The following CDC42EP3 variants were observed in gnomAD, a reference collection of about 807,000 sequenced individuals.
The protein encoded by CDC42EP3 is CDC42 effector protein (Rho GTPase binding) 3.
Under a neutral mutation model 15.5 loss-of-function variants are expected in CDC42EP3, and 4 were observed. The ratio of observed to expected loss-of-function variants is 0.26; its 90% confidence interval spans 0.13 to 0.59. The LOEUF (loss-of-function observed/expected upper bound fraction) is 0.59. Ranked by LOEUF, CDC42EP3 falls within the 20% of genes least tolerant of loss-of-function variation. The pLI is 0.89. For missense variants in CDC42EP3, 309 were observed against 311.2 expected (o/e 0.99, Z 0.05); for synonymous variants, 145 against 130.3 (o/e 1.11, Z -0.77).
intron 1 of CDC42EP3, among the ~76,000 whole-genome samples, chr2:37,663,082 T>C (rs1256135249): frequency 6.6e-6 from 1 of 152,200 alleles, no homozygotes; most frequent in East Asian, 1.9e-4. Flanking sequence ...GGAGAATCTC[T>C]TGAACCCGGG....
intron 1 of CDC42EP3, among the ~76,000 whole-genome samples, chr2:37,660,099 A>G (rs1401039791): frequency 2.0e-5 from 3 of 152,226 alleles, no homozygotes; most frequent in Admixed American, 6.5e-5. Flanking sequence ...CTACAGTGCT[A>G]TGTAAACACA....
At chr2:37,656,956 G>T (rs527962962) in intron 1 of CDC42EP3, among the ~76,000 whole-genome samples, 1 of 140,610 alleles carries the variant, frequency 7.1e-6, no homozygotes, top group Non-Finnish European at 1.5e-5. Context: ...AACGTCAAAA[G>T]ATTTGAATTG....
chr2:37,670,333 C>T (rs1025288681), intron 1 of CDC42EP3, among the ~76,000 whole-genome samples: 1 of 152,142 alleles, frequency 6.6e-6, no homozygotes, highest in Non-Finnish European at 1.5e-5. Context: ...GGGATGGAAT[C>T]TTTGTCTCCC....
chr2:37,654,058 A>G (rs569764932), intron 1 of CDC42EP3, among the ~76,000 whole-genome samples: 187 of 152,270 alleles, frequency 1.2e-3, no homozygotes, highest in Middle Eastern at 0.01. Flanking sequence ...GCCCCATGCC[A>G]GAGTATCCAG....
intron 1 of CDC42EP3, among the ~76,000 whole-genome samples, chr2:37,653,009 T>C (rs147351124): frequency 4.6e-5 from 7 of 152,372 alleles, no homozygotes; most frequent in East Asian, 3.9e-4. Flanking sequence ...TCCTGGTTTC[T>C]TTCTAGTTCC....
intron 1 of CDC42EP3, among the ~76,000 whole-genome samples, chr2:37,650,658 C>G (rs1665641525): frequency 1.3e-5 from 2 of 152,208 alleles, no homozygotes; most frequent in South Asian, 4.1e-4. Context: ...TGGCTGGGCT[C>G]TGAGCTTTGA....
In CDC42EP3 at chr2:37,648,267, C is replaced by T. The variant is rs150404036; in HGVS notation, c.-235-1445G>A. Among the ~76,000 whole-genome samples, 884 of 152,350 alleles carry T rather than the reference C, an allele frequency of 5.8e-3. 5 individuals are homozygous for T. Among genetic ancestry groups the T allele is most frequent in the Non-Finnish European group, 0.01 (700 of 68,032 alleles). ...CTCTGCCATGACCTCTTCCCTCAGG[C>T]GCTCCTCCCACTGGCTGCAGAGCCT... On this transcript the variant is annotated intron_variant, in intron 1 of 1. Transcript: ENST00000295324.
chr2:37,672,707 C>T (rs1047965250), upstream of CDC42EP3, among the ~76,000 whole-genome samples: 2 of 152,224 alleles, frequency 1.3e-5, no homozygotes, highest in South Asian at 2.1e-4. Context: ...TCCCAGCCCG[C>T]ATGGTCAGCC....
chr2:37,671,975 A>T (rs1168301339), upstream of CDC42EP3: 1 of 152,130 alleles, frequency 6.6e-6, no homozygotes, highest in Non-Finnish European at 1.5e-5. Context: ...TTAAAGAGGG[A>T]CCCGGAGGTG....
chr2:37,663,089 C>A (rs10181998), intron 1 of CDC42EP3, among the ~76,000 whole-genome samples: 2 of 152,158 alleles, frequency 1.3e-5, no homozygotes, highest in Admixed American at 1.3e-4. Flanking sequence ...CTCTTGAACC[C>A]GGGAGGCAGA....
intron 1 of CDC42EP3, among the ~76,000 whole-genome samples, chr2:37,661,039 C>T (rs1348177812): frequency 6.6e-6 from 1 of 151,728 alleles, no homozygotes; most frequent in Non-Finnish European, 1.5e-5. Context: ...TTATGAAAAC[C>T]TTGTGAAAAA....
chr2:37,670,548 G>A (rs926141369), intron 1 of CDC42EP3, among the ~76,000 whole-genome samples: 1 of 151,406 alleles, frequency 6.6e-6, no homozygotes, highest in African/African-American at 2.4e-5. Context: ...GCACTCTGGG[G>A]CTTTTACTCC....
upstream of CDC42EP3, chr2:37,671,660 A>C (rs1666425817): frequency 6.6e-6 from 1 of 151,392 alleles, no homozygotes; most frequent in East Asian, 1.9e-4. Flanking sequence ...GGGCGGCCGG[A>C]CGCGAGGACT....
intron 1 of CDC42EP3, among the ~76,000 whole-genome samples, chr2:37,648,447 T>C (rs1665547795): frequency 6.6e-6 from 1 of 152,220 alleles, no homozygotes; most frequent in Non-Finnish European, 1.5e-5. Context: ...TGACAAGAAC[T>C]GTGCTCCACC....
At chr2:37,670,767 G>T (rs1047289569) in intron 1 of CDC42EP3, among the ~76,000 whole-genome samples, 3 of 140,814 alleles carry the variant, frequency 2.1e-5, no homozygotes, top group African/African-American at 7.8e-5. Context: ...GTCGAGAGAG[G>T]GATAGAGTAT....
At chr2:37,648,604 G>A (rs1665559389) in intron 1 of CDC42EP3, among the ~76,000 whole-genome samples, 1 of 152,218 alleles carries the variant, frequency 6.6e-6, no homozygotes, top group African/African-American at 2.4e-5. Flanking sequence ...ATGGGGAGGA[G>A]GCAGAGAAAG....
chr2:37,665,008 G>A (rs1666206997), intron 1 of CDC42EP3, among the ~76,000 whole-genome samples: 1 of 151,998 alleles, frequency 6.6e-6, no homozygotes, highest in Admixed American at 6.6e-5. Context: ...TCAAAACCCC[G>A]TGACATGAGT....
intron 1 of CDC42EP3, among the ~76,000 whole-genome samples, chr2:37,661,575 C>T (rs1480622428): frequency 2.6e-5 from 4 of 152,148 alleles, no homozygotes; most frequent in Non-Finnish European, 5.9e-5. Flanking sequence ...AGAAGTCCTG[C>T]TTTTGGGTTA....
rs73928820 is a variant in CDC42EP3, at chr2:37,652,391, C to T, written c.-235-5569G>A. 9.7e-4 allele frequency among the ~76,000 whole-genome samples: 147 copies of T among 152,022 alleles called. 2 individuals are homozygous for T. The highest frequency in any genetic ancestry group is 3.3e-3 in the African/African-American group (138 of 41,454). On this transcript the variant is annotated intron_variant, in intron 1 of 1. Coordinates refer to ENST00000295324, the MANE Select transcript of CDC42EP3 (RefSeq NM_006449.5). ...ACAGGAAAGGCTTACAGGCCGGAAG[C>T]GAATTACCAGACTACAACTAGGGAG...
Sources: allele counts gnomAD v4.1 joint callset (sites outside exome capture counted in the v4.1 genomes callset), GRCh38; gene constraint gnomAD v4.1.1; transcripts MANE v1.5; gene names NCBI Gene and HGNC (gene_info 2026-07-23, HGNC 2026-07-21).